IQCJ: variants seen among roughly 807,000 people sequenced by gnomAD.
The protein encoded by IQCJ is IQ motif containing J.
Under a neutral mutation model 11.0 loss-of-function variants are expected in IQCJ, and 9 were observed. The ratio of observed to expected loss-of-function variants is 0.82; its 90% CI spans 0.49 to 1.43. The LOEUF (loss-of-function observed/expected upper bound fraction) is 1.43, where lower values mean the gene tolerates loss of function less well. IQCJ is among the 40% of genes most tolerant of loss of function. The pLI is 0.00. For synonymous variants in IQCJ, 55 were observed against 51.3 expected (o/e 1.07, Z -0.31); for missense variants, 146 against 133.2 (o/e 1.10, Z -0.47).
rs929650091 is a variant in IQCJ at position 159,162,800 on chromosome 3, T to C, written c.10-83043T>C. Reference sequence around the variant, plus strand: ...TCAGAGAATACTACAAACACCTCTATGCAAATAAACTAGAAAATCTAGAAG... The same window carrying C: ...TCAGAGAATACTACAAACACCTCTACGCAAATAAACTAGAAAATCTAGAAG... On this transcript the variant is annotated intron_variant, in intron 1 of 3. Coordinates refer to ENST00000397832, the MANE Select transcript of IQCJ (RefSeq NM_001042706.3). Among the ~76,000 whole-genome samples, 3 of 152,254 alleles carry C rather than the reference T, an allele frequency of 2.0e-5. No homozygotes were observed. The East Asian group carries it at 5.8e-4, about 29-fold the overall frequency.
At chr3:159,104,932 G>C (rs562251631) in intron 1 of IQCJ, among the ~76,000 whole-genome samples, 1 of 152,186 alleles carries the variant, frequency 6.6e-6, no homozygotes, top group African/African-American at 2.4e-5. Flanking sequence ...AAGCTCCCAA[G>C]TGCCTGGCTC....
At chr3:159,206,195 CCA>C (rs1724649470) in intron 1 of IQCJ, among the ~76,000 whole-genome samples, 1 of 152,096 alleles carries the variant, frequency 6.6e-6, no homozygotes, top group African/African-American at 2.4e-5. Context: ...ATGCTAAAAC[CCA>C]CAAACTCTTC....
At chr3:159,228,402 C>T (rs1283676744) in intron 1 of IQCJ, among the ~76,000 whole-genome samples, 1 of 152,202 alleles carries the variant, frequency 6.6e-6, no homozygotes, top group Non-Finnish European at 1.5e-5. Flanking sequence ...TTAGGGCAAT[C>T]ACTAAGATTA....
At chr3:159,137,608 T>A (rs1228015314) in intron 1 of IQCJ, among the ~76,000 whole-genome samples, 1 of 152,206 alleles carries the variant, frequency 6.6e-6, no homozygotes, top group Non-Finnish European at 1.5e-5. Flanking sequence ...AATAACTGTA[T>A]AACTTTATTC....
chr3:159,109,586 C>T (rs1199729275), intron 1 of IQCJ, among the ~76,000 whole-genome samples: 20 of 148,030 alleles, frequency 1.4e-4, no homozygotes, highest in Non-Finnish European at 2.4e-4. Flanking sequence ...TTAAATGCTC[C>T]GCTTGTCTAG....
At chr3:159,141,565 C>T (rs1185428176) in intron 1 of IQCJ, among the ~76,000 whole-genome samples, 3 of 152,092 alleles carry the variant, frequency 2.0e-5, no homozygotes, top group African/African-American at 4.8e-5. Context: ...TAATACAGTC[C>T]ATGTTTGTGA....
chr3:159,145,788 A>G (rs1720896485), intron 1 of IQCJ, among the ~76,000 whole-genome samples: 1 of 152,198 alleles, frequency 6.6e-6, no homozygotes, highest in African/African-American at 2.4e-5. Context: ...TTTAACAAAT[A>G]TGTTTTGGGC....
intron 1 of IQCJ, among the ~76,000 whole-genome samples, chr3:159,196,762 G>A (rs1399601794): frequency 1.3e-5 from 2 of 152,130 alleles, no homozygotes; most frequent in African/African-American, 4.8e-5. Flanking sequence ...AGAAATCAAG[G>A]CACTGAGATG....
chr3:159,201,281 T>C (rs1374279798), intron 1 of IQCJ, among the ~76,000 whole-genome samples: 2 of 152,246 alleles, frequency 1.3e-5, no homozygotes, highest in East Asian at 3.8e-4. Flanking sequence ...GATTTAGTAG[T>C]GCTACATACA....
intron 1 of IQCJ, among the ~76,000 whole-genome samples, chr3:159,208,375 A>G (rs1724772092): frequency 6.6e-6 from 1 of 152,170 alleles, no homozygotes. Flanking sequence ...ATGTGCCTGC[A>G]GAGTCCACAG....
intron 1 of IQCJ, among the ~76,000 whole-genome samples, chr3:159,131,946 G>A (rs1720014379): frequency 7.7e-6 from 1 of 129,652 alleles, no homozygotes; most frequent in Non-Finnish European, 1.6e-5. Flanking sequence ...TTTACATTAA[G>A]TACACACACA....
chr3:159,188,063 G>C (rs1482967672), intron 1 of IQCJ, among the ~76,000 whole-genome samples: 2 of 152,120 alleles, frequency 1.3e-5, no homozygotes, highest in Non-Finnish European at 2.9e-5. Context: ...AATAGTTATG[G>C]ATGCCTCTGC....
At chr3:159,250,855 T>A (rs1727555893) in intron 2 of IQCJ, among the ~76,000 whole-genome samples, 1 of 152,214 alleles carries the variant, frequency 6.6e-6, no homozygotes, top group Admixed American at 6.5e-5. Context: ...TCCGTGATTC[T>A]CCTTTAATAA....
chr3:159,134,541 T>C (rs1402273305), intron 1 of IQCJ, among the ~76,000 whole-genome samples: 4 of 152,194 alleles, frequency 2.6e-5, no homozygotes, highest in Non-Finnish European at 5.9e-5. Flanking sequence ...GAACCACATT[T>C]ATACAAAGAA....
At position 159,089,521 on chromosome 3, in the gene IQCJ, G is replaced by A. The variant is rs367652429; in HGVS notation, c.9+20080G>A. The stretch of plus-strand genomic sequence containing the variant: ...ATAATATCCTGCAGAGTGTTTTCCA[G>A]CTTGGTTCCATTCTCCCCGTCACTT... On this transcript the variant is annotated intron_variant, in intron 1 of 3. Coordinates refer to ENST00000397832, the MANE Select transcript of IQCJ (RefSeq NM_001042706.3). Among the ~76,000 whole-genome samples the A allele has an allele frequency of 1.7e-4, 25 of 151,174 alleles. No individual in the cohort carries two copies. In the East Asian group the frequency reaches 2.5e-3, roughly 15 times the overall value.
At chr3:159,073,663 A>G (rs943075039) in intron 1 of IQCJ, among the ~76,000 whole-genome samples, 6 of 152,108 alleles carry the variant, frequency 3.9e-5, no homozygotes, top group African/African-American at 1.4e-4. Flanking sequence ...CTTTGCTCCC[A>G]TCCAATTCAG....
At chr3:159,141,149 T>C (rs538492293) in intron 1 of IQCJ, among the ~76,000 whole-genome samples, 2 of 81,176 alleles carry the variant, frequency 2.5e-5, no homozygotes, top group East Asian at 7.8e-4. Context: ...CCAGAAAGGC[T>C]TCCTTGAGAA....
intron 1 of IQCJ, among the ~76,000 whole-genome samples, chr3:159,162,337 G>A (rs905436444): frequency 4.2e-4 from 64 of 152,154 alleles, no homozygotes; most frequent in Non-Finnish European, 6.5e-4. Context: ...CTGTTTGTCT[G>A]TTATTGGTGT....
At chr3:159,191,823 T>G (rs752657858) in intron 1 of IQCJ, among the ~76,000 whole-genome samples, 1 of 152,214 alleles carries the variant, frequency 6.6e-6, no homozygotes, top group Non-Finnish European at 1.5e-5. Flanking sequence ...AAAATTCTAT[T>G]TGAGAAACGG....
Sources: gnomAD v4.1 joint callset for allele counts (sites outside exome capture counted in the v4.1 genomes callset) on GRCh38, gnomAD v4.1.1 for gene constraint, MANE v1.5 for transcripts, NCBI Gene and HGNC (gene_info 2026-07-23, HGNC 2026-07-21) for gene names.